ZYG11A: variants seen among roughly 807,000 people sequenced by gnomAD.
ZYG11A encodes the protein zyg-11 family member A, cell cycle regulator, also known as protein zyg-11 homolog A.
In ZYG11A, 62 loss-of-function variants were observed where a neutral mutation model predicts 77.2. The observed-to-expected ratio is 0.80, with a 90% CI of 0.65 to 0.99. ZYG11A has a LOEUF of 0.99. Ranked by LOEUF, ZYG11A falls within the 50% of genes least tolerant of loss-of-function variation. The probability of loss-of-function intolerance (pLI) is 0.00; values close to 1 mark genes in which losing one functional copy is unlikely to be tolerated. For missense variants in ZYG11A, 828 were observed against 896.8 expected (o/e 0.92, Z 0.98); for synonymous variants, 315 against 324.6 (o/e 0.97, Z 0.32).
At chr1:52,882,516 G>A (rs997927110) in intron 11 of ZYG11A, among the ~76,000 whole-genome samples, 1 of 152,044 alleles carries the variant, frequency 6.6e-6, no homozygotes, top group Non-Finnish European at 1.5e-5. Context: ...GTGCCTCCCT[G>A]TATCTTGGTT....
intron 2 of ZYG11A, among the ~76,000 whole-genome samples, chr1:52,855,246 T>C (rs962452315): frequency 1.3e-5 from 2 of 152,140 alleles, no homozygotes; most frequent in Non-Finnish European, 2.9e-5. Flanking sequence ...CCTCCCATTG[T>C]AGCTGGGCTT....
At chr1:52,863,697 T>C (rs796912953) in intron 4 of ZYG11A, among the ~76,000 whole-genome samples, 21 of 152,348 alleles carry the variant, frequency 1.4e-4, no homozygotes, top group African/African-American at 5.0e-4. Context: ...GTAGCTTGTA[T>C]GGAGTGAGGC....
At chr1:52,872,184 C>A (rs1249882996) in intron 8 of ZYG11A, among the ~76,000 whole-genome samples, 1 of 152,158 alleles carries the variant, frequency 6.6e-6, no homozygotes, top group Non-Finnish European at 1.5e-5. Flanking sequence ...TCACTGCAAC[C>A]TCCACCTCCT....
At chr1:52,859,374 C>G (rs930449452) in intron 3 of ZYG11A, among the ~76,000 whole-genome samples, 1 of 151,764 alleles carries the variant, frequency 6.6e-6, no homozygotes, top group Non-Finnish European at 1.5e-5. Context: ...CTTGCTCTGT[C>G]GCCCAGGCTG....
chr1:52,889,421 AT>A (rs1160429756), intron 13 of ZYG11A, among the ~76,000 whole-genome samples: 1 of 150,706 alleles, frequency 6.6e-6, no homozygotes, highest in East Asian at 1.9e-4. Context: ...AAAGTATTTA[AT>A]TTTTTTTCTT....
In ZYG11A at chr1:52,866,919, A is replaced by T. The variant is rs543139170; in HGVS notation, c.1391+352A>T. The stretch of plus-strand genomic sequence containing the variant: ...ATTCCTAGTTTAAGTACAGGCTATT[A>T]TAAAGAATATTAGTAATTTATTCAT... On this transcript the variant is annotated intron_variant, in intron 6 of 13. Coordinates refer to ENST00000371528, the MANE Select transcript of ZYG11A (RefSeq NM_001004339.3). 5.6e-4 allele frequency among the ~76,000 whole-genome samples: 85 copies of T among 152,342 alleles called. 1 individual carries two copies. The highest frequency in any genetic ancestry group is 1.9e-3 in the African/African-American group (78 of 41,590).
At chr1:52,873,635 T>C (rs1374889053) in intron 8 of ZYG11A, among the ~76,000 whole-genome samples, 1 of 152,212 alleles carries the variant, frequency 6.6e-6, no homozygotes, top group Non-Finnish European at 1.5e-5. Context: ...TGACTTATTA[T>C]ATAAACCTGG....
At chr1:52,859,662 A>G (rs1478817347) in intron 3 of ZYG11A, among the ~76,000 whole-genome samples, 1 of 56,266 alleles carries the variant, frequency 1.8e-5, no homozygotes, top group Non-Finnish European at 3.5e-5. Context: ...CTGTTTGTGT[A>G]TTGCCTTTTT....
At chr1:52,889,039 A>G (rs892032702) in intron 13 of ZYG11A, among the ~76,000 whole-genome samples, 2 of 152,246 alleles carry the variant, frequency 1.3e-5, no homozygotes, top group African/African-American at 4.8e-5. Context: ...GTGCCAGGCA[A>G]TGTTGTAAGC....
At chr1:52,863,641 C>CTCTTTAT (rs1645969335) in intron 4 of ZYG11A, among the ~76,000 whole-genome samples, 1 of 152,198 alleles carries the variant, frequency 6.6e-6, no homozygotes, top group Non-Finnish European at 1.5e-5. Context: ...TTTATGCTAA[C>CTCTTTAT]GAGTAGCTCT....
intron 12 of ZYG11A, 131 bp downstream of exon 12, chr1:52,886,025 C>T (rs1018227156): frequency 2.3e-5 from 14 of 607,102 alleles, no homozygotes; most frequent in East Asian, 3.2e-5. Flanking sequence ...CTCCACCTCC[C>T]GGGTTCACGC....
Position 52,847,866 on chromosome 1 carries a change from TTATTTA to T in ZYG11A, c.90+4895_90+4900del, listed in dbSNP as rs1378331728. On this transcript the variant is annotated intron_variant, in intron 1 of 13. Transcript: ENST00000371528. ...TTTATTTATTTATTTATTTATTTAT[TTATTTA>T]TTTATTTATTTTTTTGAGATGGAGT... Among the ~76,000 whole-genome samples the T allele has an allele frequency of 7.0e-3, 598 of 85,758 alleles. 6 individuals are homozygous for T. The highest frequency in any genetic ancestry group is 0.023 in the African/African-American group (514 of 22,014). The allele number at this position is 85,758 out of a possible 152,430, so 56.3% of individuals were successfully genotyped here.
chr1:52,847,662 G>A (rs1286073708), intron 1 of ZYG11A, among the ~76,000 whole-genome samples: 1 of 148,414 alleles, frequency 6.7e-6, no homozygotes, highest in East Asian at 2.0e-4. Context: ...CCCCTGTACT[G>A]TACTTTGTTT....
intron 10 of ZYG11A, among the ~76,000 whole-genome samples, chr1:52,878,981 CA>C (rs796989024): frequency 7.5e-6 from 1 of 133,522 alleles, no homozygotes; most frequent in East Asian, 2.1e-4. Flanking sequence ...AAAAACAAAC[CA>C]AAAAACTCAA....
In ZYG11A at chr1:52,863,420, G is replaced by A. The variant is rs113475457; in HGVS notation, c.1150-561G>A. ...ACTTTCTTTCCCCTAGGAATACCCTGTCCATTCTGCCCCTACATTTATCTC... is the reference window on the plus strand; with the variant it reads ...ACTTTCTTTCCCCTAGGAATACCCTATCCATTCTGCCCCTACATTTATCTC... On this transcript the variant is annotated intron_variant, in intron 4 of 13. Transcript: ENST00000371528. Among the ~76,000 whole-genome samples the A allele has an allele frequency of 5.1e-3, 781 of 151,976 alleles. 7 individuals carry two copies. Among genetic ancestry groups the A allele is most frequent in the African/African-American group, 0.018 (758 of 41,424 alleles).
At chr1:52,870,019 C>A (rs1239688391) in intron 8 of ZYG11A, among the ~76,000 whole-genome samples, 3 of 151,292 alleles carry the variant, frequency 2.0e-5, no homozygotes, top group African/African-American at 7.3e-5. Flanking sequence ...GGGCTCCTCA[C>A]TTCTCAGACG....
At chr1:52,884,877 A>C (rs967242355) in intron 11 of ZYG11A, among the ~76,000 whole-genome samples, 1 of 150,528 alleles carries the variant, frequency 6.6e-6, no homozygotes, top group Non-Finnish European at 1.5e-5. Flanking sequence ...AATCCTTTGA[A>C]CCAGTCTTCC....
intron 8 of ZYG11A, among the ~76,000 whole-genome samples, chr1:52,875,812 G>T (rs1646251675): frequency 6.6e-6 from 1 of 150,804 alleles, no homozygotes; most frequent in Admixed American, 6.6e-5. Flanking sequence ...AATGCAAGTA[G>T]GTTGGTAGCT....
At chr1:52,877,153 C>T (rs1382545389) in intron 8 of ZYG11A, among the ~76,000 whole-genome samples, 2 of 152,098 alleles carry the variant, frequency 1.3e-5, no homozygotes, top group Non-Finnish European at 2.9e-5. Flanking sequence ...CTGCATGTCC[C>T]CATTTCTTAC....
Sources: allele counts gnomAD v4.1 joint callset (sites outside exome capture counted in the v4.1 genomes callset), GRCh38; gene constraint gnomAD v4.1.1; transcripts MANE v1.5; gene names NCBI Gene and HGNC (gene_info 2026-07-23, HGNC 2026-07-21).